The following DNA2 variants were observed in gnomAD, a reference collection of about 807,000 sequenced individuals.
DNA2 encodes the protein DNA replication helicase/nuclease 2, also known as DNA replication ATP-dependent helicase/nuclease DNA2.
A neutral mutation model predicts 119.1 loss-of-function variants in DNA2; 101 were observed. That is an observed-to-expected ratio of 0.85 (90% CI 0.72 to 1.00). The LOEUF (loss-of-function observed/expected upper bound fraction) is 1.00. DNA2 is among the 50% of genes least tolerant of loss of function. The probability of loss-of-function intolerance (pLI) is 0.00; values close to 1 mark genes in which losing one functional copy is unlikely to be tolerated. For missense variants in DNA2, 1,121 were observed against 1,255.5 expected, an observed-to-expected ratio of 0.89 and a Z score of 1.62; for synonymous variants, 366 against 424.4, an observed-to-expected ratio of 0.86 and a Z score of 1.69.
intron 1 of DNA2, among the ~76,000 whole-genome samples, chr10:68,471,429 T>C (rs2052379675): frequency 6.6e-6 from 1 of 152,170 alleles, no homozygotes; most frequent in African/African-American, 2.4e-5. Context: ...ATGCTGAGGG[T>C]GCAGAGATCC....
At chr10:68,437,300 T>C in intron 9 of DNA2, 59 bp from the exon 10 acceptor site, 1 of 1,376,720 alleles carries the variant, frequency 7.3e-7, no homozygotes. Flanking sequence ...AAGTATTGTG[T>C]CTGCATTTTC....
At chr10:68,432,164 C>A in intron 12 of DNA2, 42 bp downstream of exon 12, 1 of 1,384,832 alleles carries the variant, frequency 7.2e-7, no homozygotes, top group South Asian at 1.3e-5. Flanking sequence ...CAAATAGAAA[C>A]AAGAAAAATT....
At chr10:68,467,241 G>A (rs568020136) in intron 3 of DNA2, among the ~76,000 whole-genome samples, 5 of 152,064 alleles carry the variant, frequency 3.3e-5, no homozygotes, top group Admixed American at 6.6e-5. Context: ...CTCTCGAGTA[G>A]CTAGGATTAC....
At chr10:68,429,306 AG>A (rs1339028882) in intron 14 of DNA2, among the ~76,000 whole-genome samples, 1 of 150,984 alleles carries the variant, frequency 6.6e-6, no homozygotes, top group Non-Finnish European at 1.5e-5. Context: ...GCACTTTGGG[AG>A]GCCGAGGCAG....
chr10:68,461,759 C>T (rs2052261960), intron 4 of DNA2, among the ~76,000 whole-genome samples: 1 of 143,668 alleles, frequency 7.0e-6, no homozygotes, highest in Non-Finnish European at 1.5e-5. Flanking sequence ...ACCCGGAAGG[C>T]GGAGGTTTCG....
intron 9 of DNA2, among the ~76,000 whole-genome samples, chr10:68,441,335 TAAAA>T (rs35334686): frequency 3.3e-5 from 4 of 121,106 alleles, no homozygotes; most frequent in African/African-American, 5.9e-5. Flanking sequence ...CCCTGTCTCT[TAAAA>T]AAAAAAAAAA....
intron 7 of DNA2, among the ~76,000 whole-genome samples, chr10:68,445,325 T>C (rs2052024313): frequency 6.6e-6 from 1 of 151,866 alleles, no homozygotes; most frequent in Admixed American, 6.6e-5. Flanking sequence ...TTAGCTGGGA[T>C]TGGTGGCGCA....
intron 2 of DNA2, among the ~76,000 whole-genome samples, chr10:68,468,994 G>A (rs776760205): frequency 6.6e-6 from 1 of 152,072 alleles, no homozygotes; most frequent in Non-Finnish European, 1.5e-5. Flanking sequence ...AGGTTGCAGT[G>A]AGCCGCGATC....
At chr10:68,461,828 CAAAAAAA>C (rs554059657) in intron 4 of DNA2, among the ~76,000 whole-genome samples, 18,209 of 70,050 alleles carry the variant, frequency 0.26, 1,250 homozygotes, top group East Asian at 0.35. Flanking sequence ...AACTCCGTCT[CAAAAAAA>C]AAAAAAAAAA....
chr10:68,430,760 T>A, intron 13 of DNA2, 100 bp from the exon 14 acceptor site: 3 of 927,992 alleles, frequency 3.2e-6, no homozygotes, highest in Non-Finnish European at 4.8e-6. Flanking sequence ...ATCTAAGAGC[T>A]GAGCCAAGTA....
intron 4 of DNA2, among the ~76,000 whole-genome samples, chr10:68,460,058 CACAT>C (rs1012713263): frequency 7.9e-5 from 12 of 151,154 alleles, no homozygotes; most frequent in African/African-American, 2.2e-4. Context: ...CACACACACA[CACAT>C]ACAAGTTAAC....
chr10:68,446,431 T>G lies in DNA2; in HGVS notation c.940-18A>C, dbSNP rs1173074639. 1 of 1,460,716 alleles carries G rather than the reference T, an allele frequency of 6.8e-7. No homozygotes were observed. Among genetic ancestry groups the G allele is most frequent in the Non-Finnish European group, 9.4e-7 (1 of 1,069,492 alleles). The allele number at this position is 1,460,716 out of a possible 1,614,324, so 90.5% of individuals were successfully genotyped here. On this transcript the variant is annotated intron_variant, in intron 6 of 20. Transcript: ENST00000358410. ...AGAACAACCTGTGCAAACATTGACA[T>G]TTGCTCAAACAAAACTATAACTTCT...
chr10:68,451,944 G>A lies in DNA2; in HGVS notation c.720-1697C>T, dbSNP rs536107206. Among the ~76,000 whole-genome samples the A allele has an allele frequency of 7.9e-4, 118 of 150,154 alleles. 1 individual carries two copies. The highest frequency in any genetic ancestry group is 2.8e-3 in the African/African-American group (115 of 40,918). ...ATATTTTCTAAGAAAAAAAAATGCTGTCTTAAATAATTTTTTATAAAAAAA... is the reference window on the plus strand; with the variant it reads ...ATATTTTCTAAGAAAAAAAAATGCTATCTTAAATAATTTTTTATAAAAAAA... On this transcript the variant is annotated intron_variant, in intron 5 of 20. Transcript: ENST00000358410.
rs987091970 is a variant in DNA2 at position 68,415,069 on chromosome 10, G to A, written c.3153C>T (p.Cys1051=). Residue 1051 remains cysteine (C), a synonymous_variant, in exon 21 of 21, where the codon TGC becomes TGT. Coordinates refer to ENST00000358410, the MANE Select transcript of DNA2 (RefSeq NM_001080449.3). Reference sequence around the variant, plus strand: ...CTCTTTGAAAGTCACCCAATATGTGGCAAAGACTTTCATGTTCTCTTGATG... The same window carrying A: ...CTCTTTGAAAGTCACCCAATATGTGACAAAGACTTTCATGTTCTCTTGATG... ...DLPSREHESL[C]HILGDFQRE 6.3e-7 allele frequency: 1 copy of A among 1,580,854 alleles called. No homozygotes were observed.
intron 2 of DNA2, 57 bp from the exon 3 acceptor site, chr10:68,468,363 C>A: frequency 1.7e-6 from 2 of 1,162,196 alleles, no homozygotes; most frequent in Non-Finnish European, 2.3e-6. Context: ...TACATGTAAA[C>A]GTATTAGGGA....
chr10:68,447,932 C>T (rs563721761), intron 6 of DNA2, among the ~76,000 whole-genome samples: 3 of 149,696 alleles, frequency 2.0e-5, no homozygotes, highest in Non-Finnish European at 4.4e-5. Flanking sequence ...TGCAGTGAGC[C>T]GAGATCGCGC....
At chr10:68,420,468 C>T (rs181340108) in intron 17 of DNA2, among the ~76,000 whole-genome samples, 6 of 152,224 alleles carry the variant, frequency 3.9e-5, no homozygotes, top group Admixed American at 6.5e-5. Context: ...ATCTGGGAGT[C>T]GGAGGTTGCA....
At position 68,415,207 on chromosome 10, in the gene DNA2, A is replaced by C. The variant is rs1374978943; in HGVS notation, c.3115-100T>G. On this transcript the variant is annotated intron_variant, in intron 20 of 20. Coordinates refer to ENST00000358410, the MANE Select transcript of DNA2 (RefSeq NM_001080449.3). ...TTGTAATTTGACTTACAGGACCACA[A>C]AAAAAAAATAAGGATCTTTATGGCA... The C allele has an allele frequency of 5.2e-6, 3 of 571,622 alleles. No homozygotes were observed. The Admixed American group carries it at 1.1e-4, about 21-fold the overall frequency. The allele number at this position is 571,622 out of a possible 1,614,324, so 35.4% of individuals were successfully genotyped here.
chr10:68,429,732 G>A (rs550502637), intron 14 of DNA2, among the ~76,000 whole-genome samples: 412 of 99,356 alleles, frequency 4.1e-3, no homozygotes, highest in Middle Eastern at 0.01. Flanking sequence ...AAAAAAAAAA[G>A]AAAAAAAAAT....
Sources: allele counts gnomAD v4.1 joint callset (sites outside exome capture counted in the v4.1 genomes callset), GRCh38; gene constraint gnomAD v4.1.1; transcripts MANE v1.5; gene names NCBI Gene and HGNC (gene_info 2026-07-23, HGNC 2026-07-21).